ADGRV1: variants seen among roughly 807,000 people sequenced by gnomAD.
ADGRV1 encodes the protein G-protein coupled receptor 98.
A neutral mutation model predicts 596.2 loss-of-function variants in ADGRV1; 359 were observed. The observed-to-expected ratio is 0.60, with a 90% CI of 0.55 to 0.66. ADGRV1 has a LOEUF of 0.66. Among genes scored for constraint, ADGRV1 ranks in the 30% least tolerant of loss-of-function variants. The pLI is 0.00. For synonymous variants in ADGRV1, 2,681 were observed against 2,679.2 expected, an observed-to-expected ratio of 1.00 and a Z score of -0.02; for missense variants, 7,274 against 7,575.6, an observed-to-expected ratio of 0.96 and a Z score of 1.48.
Position 90,683,894 on chromosome 5 carries a change from G to A in ADGRV1, c.5973G>A (p.Glu1991=). The change falls in exon 28 of 90, where the codon GAG becomes GAA. Residue 1991 remains glutamate (E), a synonymous_variant. Coordinates refer to ENST00000405460, the MANE Select transcript of ADGRV1 (RefSeq NM_032119.4). ...AGAAAAACAGACCTGTTAAAGTTGA[G>A]GAAGCAACCCAGAACATCACACTAT... is the stretch of plus-strand genomic sequence containing the variant. The part of the protein sequence containing the change: ...FSEKNRPVKV[E]EATQNITLSI... 1 of 1,613,456 alleles carries A rather than the reference G, an allele frequency of 6.2e-7. No homozygotes were observed. Among genetic ancestry groups the A allele is most frequent in the Non-Finnish European group, 8.5e-7 (1 of 1,179,682 alleles).
At chr5:91,094,965 T>G (rs1473970996) in intron 86 of ADGRV1, among the ~76,000 whole-genome samples, 1 of 152,150 alleles carries the variant, frequency 6.6e-6, no homozygotes, top group Non-Finnish European at 1.5e-5. Context: ...TGATAGAGTC[T>G]AGCCTGCTGC....
intron 2 of ADGRV1, among the ~76,000 whole-genome samples, chr5:90,616,856 G>A (rs1258984496): frequency 1.3e-5 from 2 of 152,104 alleles, no homozygotes; most frequent in African/African-American, 2.4e-5. Flanking sequence ...CATTCCTTCT[G>A]TTTTTGTACT....
At chr5:90,619,856 G>A (rs1763831545) in intron 4 of ADGRV1, among the ~76,000 whole-genome samples, 1 of 150,868 alleles carries the variant, frequency 6.6e-6, no homozygotes, top group Admixed American at 6.6e-5. Flanking sequence ...GCGGTGTTTG[G>A]TTTTTTGTCC....
intron 77 of ADGRV1, among the ~76,000 whole-genome samples, chr5:90,830,084 T>C (rs1764398344): frequency 6.6e-6 from 1 of 152,132 alleles, no homozygotes; most frequent in African/African-American, 2.4e-5. Flanking sequence ...AAACAGGACA[T>C]TCTGTGCATA....
intron 21 of ADGRV1, among the ~76,000 whole-genome samples, chr5:90,659,035 G>GA (rs1347444192): frequency 6.6e-6 from 1 of 151,914 alleles, no homozygotes; most frequent in African/African-American, 2.4e-5. Context: ...AGTAGAGTTT[G>GA]AAAAAAAATC....
chr5:90,637,339 A>G (rs1766343449), intron 10 of ADGRV1, among the ~76,000 whole-genome samples: 2 of 152,038 alleles, frequency 1.3e-5, no homozygotes, highest in Non-Finnish European at 2.9e-5. Flanking sequence ...TTCAGTTTAT[A>G]TTGTGATAGT....
intron 43 of ADGRV1, among the ~76,000 whole-genome samples, chr5:90,719,064 G>A (rs898824588): frequency 4.6e-5 from 7 of 152,188 alleles, no homozygotes; most frequent in East Asian, 3.9e-4. Context: ...AAAGCTGGGC[G>A]TAGTGGCACA....
At position 90,928,785 on chromosome 5, in the gene ADGRV1, A is replaced by G. The variant is rs370891022; in HGVS notation, c.17857-36630A>G. 1.0e-3 allele frequency among the ~76,000 whole-genome samples: 156 copies of G among 151,196 alleles called. 3 individuals carry two copies. In the East Asian group the frequency reaches 0.015, roughly 15 times the overall value. On this transcript the variant is annotated intron_variant, in intron 83 of 89. Transcript: ENST00000405460. ...TTTTTATCTACTTTTGGTCTTTGAT[A>G]ATAGTGATGTACAGATGGGTTTTTG...
intron 49 of ADGRV1, 23 bp downstream of exon 49, chr5:90,728,956 G>A: frequency 6.7e-7 from 1 of 1,495,810 alleles, no homozygotes; most frequent in South Asian, 1.2e-5. Flanking sequence ...AGTATTTGTA[G>A]TGTATATATA....
chr5:90,664,242 T>A (rs1340168707), intron 21 of ADGRV1, among the ~76,000 whole-genome samples: 503 of 143,700 alleles, frequency 3.5e-3, no homozygotes, highest in African/African-American at 0.013. Flanking sequence ...TTCCTACCCA[T>A]GAGCATGGAA....
intron 83 of ADGRV1, among the ~76,000 whole-genome samples, chr5:90,918,041 G>A (rs1392090839): frequency 2.6e-5 from 4 of 152,046 alleles, no homozygotes; most frequent in Non-Finnish European, 4.4e-5. Flanking sequence ...CCTAATTCAA[G>A]GTTACACAAC....
intron 85 of ADGRV1, among the ~76,000 whole-genome samples, chr5:91,008,601 T>C (rs1484940923): frequency 6.6e-6 from 1 of 152,072 alleles, no homozygotes; most frequent in Non-Finnish European, 1.5e-5. Context: ...CCTCCCAGGT[T>C]CAAGTGATTC....
intron 85 of ADGRV1, among the ~76,000 whole-genome samples, chr5:91,060,602 A>G (rs1787340304): frequency 6.6e-6 from 1 of 152,196 alleles, no homozygotes; most frequent in Non-Finnish European, 1.5e-5. Flanking sequence ...ATAATAGTGC[A>G]AAGAAATGTA....
intron 85 of ADGRV1, among the ~76,000 whole-genome samples, chr5:91,011,693 C>T (rs576781095): frequency 3.3e-5 from 5 of 151,790 alleles, no homozygotes; most frequent in Admixed American, 2.0e-4. Context: ...TATATGTTTA[C>T]GACATTGCCG....
Position 91,000,710 on chromosome 5 carries a change from T to TC in ADGRV1, c.18152+15188_18152+15189insC, listed in dbSNP as rs1781789736. On this transcript the variant is annotated intron_variant, in intron 85 of 89. Transcript: ENST00000405460. ...TGTGTGTGTGTGTGTGTGTGTGTGT[T>TC]TATAGACATTTATTATAAGGAATGG... 9.2e-5 allele frequency among the ~76,000 whole-genome samples: 8 copies of TC among 86,890 alleles called. No individual in the cohort carries two copies. In the East Asian group the frequency reaches 2.5e-3, roughly 28 times the overall value. The allele number at this position is 86,890 out of a possible 152,430, so 57.0% of individuals were successfully genotyped here. A position where few individuals can be genotyped will look rare whatever the true frequency, so the allele number is the denominator to read the frequency against.
intron 11 of ADGRV1, among the ~76,000 whole-genome samples, chr5:90,638,567 C>A (rs1766555222): frequency 6.6e-6 from 1 of 151,022 alleles, no homozygotes. Flanking sequence ...TCAGAAAATC[C>A]TTTCTAAATA....
rs368837368 is a variant in ADGRV1, at chr5:90,746,555, G to T, written c.10974+760G>T. On this transcript the variant is annotated intron_variant, in intron 52 of 89. Coordinates refer to ENST00000405460, the MANE Select transcript of ADGRV1 (RefSeq NM_032119.4). ...CATGTCCTCAGAGAAAGTGAGCTTC[G>T]GGGTTAGTTGGATACTCTACCATGT... Among the ~76,000 whole-genome samples, 13 of 152,170 alleles carry T rather than the reference G, an allele frequency of 8.5e-5. No homozygotes were observed. In the Middle Eastern group the frequency reaches 0.01, roughly 119 times the overall value.
chr5:90,912,845 G>T (rs902546417), intron 83 of ADGRV1, among the ~76,000 whole-genome samples: 1 of 152,052 alleles, frequency 6.6e-6, no homozygotes, highest in African/African-American at 2.4e-5. Context: ...TTGATTCCTT[G>T]TCTTTGCTAT....
rs1172543854 is a variant in ADGRV1, at chr5:90,716,706, T to C, written c.9424T>C (p.Leu3142=). The change falls in exon 43 of 90, where the codon TTA becomes CTA. Residue 3142 remains leucine (L), a synonymous_variant. Transcript: ENST00000405460. ...DLTPSKGYIV[L]EEGVRFKALQ... ...GACTCCTTCCAAAGGCTATATTGTT[T>C]TAGAAGAAGGTGTTCGATTCAAGGT... The C allele has an allele frequency of 6.2e-7, 1 of 1,612,770 alleles. No homozygotes were observed. The highest frequency in any genetic ancestry group is 1.3e-5 in the African/African-American group (1 of 74,908).
Sources: allele counts gnomAD v4.1 joint callset (sites outside exome capture counted in the v4.1 genomes callset), GRCh38; gene constraint gnomAD v4.1.1; transcripts MANE v1.5; gene names NCBI Gene and HGNC (gene_info 2026-07-23, HGNC 2026-07-21).